The following HDLBP variants were observed in gnomAD, a reference collection of about 807,000 sequenced individuals.
HDLBP encodes vigilin.
HDLBP carries 30 observed loss-of-function variants against 137.3 expected under a neutral mutation model. The observed-to-expected ratio is 0.22, with a 90% confidence interval of 0.16 to 0.30. The LOEUF (loss-of-function observed/expected upper bound fraction) is 0.30, where lower values mean the gene tolerates loss of function less well. Ranked by LOEUF, HDLBP falls within the 10% of genes least tolerant of loss-of-function variation. The pLI is 1.00. For missense variants in HDLBP, 1,119 were observed against 1,667.3 expected (o/e 0.67, Z 5.73); for synonymous variants, 606 against 596.0 (o/e 1.02, Z -0.24).
In HDLBP at chr2:241,239,680, G is replaced by T. The variant is rs147457010; in HGVS notation, c.2532C>A (p.Ser844Arg). ...TGGCGCCCTTGAGGGTGACTTTGTC[G>T]CTCTGTGTGCCAGAGCGTGGGAAGC... Reference protein sequence around the residue: ...MVSFPRSGTQSDKVTLKGAKD... With the variant: ...MVSFPRSGTQRDKVTLKGAKD... Residue 844 changes from serine (S) to arginine (R), a missense_variant, in exon 19 of 28, where the codon AGC becomes AGA. This residue lies in a region of HDLBP where 618 missense variants were observed against 816.7 expected (regional missense o/e 0.76). Coordinates refer to ENST00000310931, the MANE Select transcript of HDLBP (RefSeq NM_005336.6). The surrounding 1 kb of genome is among the most constrained non-coding windows in gnomAD (Gnocchi z 4.6). The T allele has an allele frequency of 5.0e-6, 8 of 1,614,142 alleles. No individual in the cohort carries two copies. In the South Asian group the frequency reaches 8.8e-5, roughly 18 times the overall value.
Position 241,271,036 on chromosome 2 carries a change from C to T in HDLBP, c.-102-2495G>A, listed in dbSNP as rs1173296726. 5.1e-6 allele frequency: 5 copies of T among 985,206 alleles called. No homozygotes were observed. The African/African-American group carries it at 5.2e-5, about 10-fold the overall frequency. The allele number at this position is 985,206 out of a possible 1,614,324, so 61.0% of individuals were successfully genotyped here. A position where few individuals can be genotyped will look rare whatever the true frequency, so the allele number is the denominator to read the frequency against. Reference sequence around the variant, plus strand: ...GGGTCCACCCCTGCATGGCTGTAAACGCTCCACCTCAAGTTATGACAAAAT... The same window carrying T: ...GGGTCCACCCCTGCATGGCTGTAAATGCTCCACCTCAAGTTATGACAAAAT... On this transcript the variant is annotated intron_variant, in intron 1 of 27. Coordinates refer to ENST00000310931, the MANE Select transcript of HDLBP (RefSeq NM_005336.6).
intron 4 of HDLBP, among the ~76,000 whole-genome samples, chr2:241,263,718 TC>T (rs1297963630): frequency 2.6e-5 from 4 of 152,042 alleles, no homozygotes; most frequent in African/African-American, 9.7e-5. Context: ...CACTAACATC[TC>T]AAATTCAGGT....
intron 1 of HDLBP, among the ~76,000 whole-genome samples, chr2:241,313,055 C>G (rs2075800118): frequency 6.6e-6 from 1 of 152,202 alleles, no homozygotes; most frequent in South Asian, 2.1e-4. Flanking sequence ...CCTGTCCACT[C>G]AGCACCACCT....
intron 1 of HDLBP, among the ~76,000 whole-genome samples, chr2:241,296,283 C>T (rs2075179760): frequency 6.6e-6 from 1 of 152,074 alleles, no homozygotes; most frequent in Non-Finnish European, 1.5e-5. Flanking sequence ...AGGAATTGGG[C>T]CAATTTGTTA....
rs1412737570 is a variant in HDLBP at position 241,239,560 on chromosome 2, A to G, written c.2610+42T>C. On this transcript the variant is annotated intron_variant, in intron 19 of 27. Transcript: ENST00000310931. This position sits in a 1 kb window ranked among gnomAD's most constrained non-coding sequence, Gnocchi z 4.6. Reference sequence around the variant, plus strand: ...TCATACACGGCTTCGGTGAGTGGCCACTGGGGGGTGAGAACCCCTCCCCGA... The same window carrying G: ...TCATACACGGCTTCGGTGAGTGGCCGCTGGGGGGTGAGAACCCCTCCCCGA... The G allele has an allele frequency of 1.3e-6, 2 of 1,528,818 alleles. No homozygotes were observed. Among genetic ancestry groups the G allele is most frequent in the Non-Finnish European group, 1.8e-6 (2 of 1,103,914 alleles). 94.7% of individuals were successfully genotyped at this position (1,528,818 alleles called of 1,614,324 possible).
Position 241,256,187 on chromosome 2 carries a change from C to T in HDLBP, c.870G>A (p.Glu290=), listed in dbSNP as rs760725586. ...TTGCCTCCTCTAAATCGTGTACCTT[C>T]TCCTCATAAATCTTCTTGATGCGAG... The part of the protein sequence containing the change: ...AVARIKKIYE[E]KKKKTTTIAV... The change falls in exon 7 of 28, where the codon GAG becomes GAA. Residue 290 remains glutamate (E), a synonymous_variant. Coordinates refer to ENST00000310931, the MANE Select transcript of HDLBP (RefSeq NM_005336.6). 6.2e-7 allele frequency: 1 copy of T among 1,613,686 alleles called. No individual in the cohort carries two copies. The highest frequency in any genetic ancestry group is 1.1e-5 in the South Asian group (1 of 91,078).
Position 241,308,446 on chromosome 2 carries a change from T to C in HDLBP, c.-103+7124A>G, listed in dbSNP as rs188088666. 1.7e-3 allele frequency among the ~76,000 whole-genome samples: 260 copies of C among 152,316 alleles called. 6 individuals carry two copies. The highest frequency in any genetic ancestry group is 0.016 in the Admixed American group (241 of 15,302). On this transcript the variant is annotated intron_variant, in intron 1 of 27. Coordinates refer to ENST00000310931, the MANE Select transcript of HDLBP (RefSeq NM_005336.6). ...TGAGAAAATACTATTAAAAAGGACATCTTTTGCCTCAATTAGTCACACAGT... is the reference window on the plus strand; with the variant it reads ...TGAGAAAATACTATTAAAAAGGACACCTTTTGCCTCAATTAGTCACACAGT...
At chr2:241,234,858 T>A (rs543243497) in intron 23 of HDLBP, among the ~76,000 whole-genome samples, 61 of 152,246 alleles carry the variant, frequency 4.0e-4, no homozygotes, top group Non-Finnish European at 6.5e-4. Flanking sequence ...GGTACCACTC[T>A]GATTTGGTTT....
At chr2:241,247,232 G>A (rs2071752258) in intron 14 of HDLBP, 90 bp from the exon 15 acceptor site, 5 of 792,660 alleles carry the variant, frequency 6.3e-6, no homozygotes, top group East Asian at 5.2e-5. Flanking sequence ...GCATGAACAC[G>A]ACAGAGCACT....
intron 1 of HDLBP, among the ~76,000 whole-genome samples, chr2:241,311,974 A>G (rs946721351): frequency 7.2e-5 from 11 of 152,226 alleles, no homozygotes; most frequent in Non-Finnish European, 1.5e-4. Flanking sequence ...ACAGACGTCA[A>G]GCAAATATGC....
At chr2:241,294,617 G>A (rs1553657704) in intron 1 of HDLBP, among the ~76,000 whole-genome samples, 1 of 152,042 alleles carries the variant, frequency 6.6e-6, no homozygotes, top group Non-Finnish European at 1.5e-5. Context: ...CGTACACCAT[G>A]CCCAACTAAT....
chr2:241,239,821 C>G lies in HDLBP; in HGVS notation c.2392-1G>C. The G allele has an allele frequency of 1.2e-6, 2 of 1,613,566 alleles. No homozygotes were observed. The highest frequency in any genetic ancestry group is 1.7e-6 in the Non-Finnish European group (2 of 1,179,730). ...GCATGGAGTCTTCCACCACATTATC[C>G]TGCAGTGTTAAGAAGAGATGGAAGA... is the stretch of plus-strand genomic sequence containing the variant. On this transcript the variant is annotated splice_acceptor_variant, in intron 18 of 27. Transcript: ENST00000310931. LOFTEE classifies it high-confidence loss of function. The surrounding 1 kb of genome is among the most constrained non-coding windows in gnomAD (Gnocchi z 4.6).
chr2:241,230,323 A>G lies in HDLBP; in HGVS notation c.3475-54T>C. 1 of 1,065,618 alleles carries G rather than the reference A, an allele frequency of 9.4e-7. No homozygotes were observed. Among genetic ancestry groups the G allele is most frequent in the South Asian group, 1.5e-5 (1 of 66,628 alleles). The allele number at this position is 1,065,618 out of a possible 1,614,324, so 66.0% of individuals were successfully genotyped here. ...GGGACTCCAAGCGAGGAAAAGGGTT[A>G]AAATTATGTGTCAATTTCTAGTGAA... is the stretch of plus-strand genomic sequence containing the variant. On this transcript the variant is annotated intron_variant, in intron 25 of 27. Transcript: ENST00000310931. This position sits in a 1 kb window ranked among gnomAD's most constrained non-coding sequence, Gnocchi z 5.0.
At chr2:241,266,719 A>ATGGGATT in intron 3 of HDLBP, 75 bp downstream of exon 3, 1 of 982,862 alleles carries the variant, frequency 1.0e-6, no homozygotes, top group South Asian at 1.3e-5. Context: ...TAGAAAGGGC[A>ATGGGATT]TGGGATTTGG....
chr2:241,248,948 T>G (rs1317004004), intron 12 of HDLBP, among the ~76,000 whole-genome samples: 2 of 152,132 alleles, frequency 1.3e-5, no homozygotes, highest in Non-Finnish European at 2.9e-5. Context: ...CCAAGAATTC[T>G]GAGAGATTCT....
chr2:241,295,863 A>C (rs1255725670), intron 1 of HDLBP, among the ~76,000 whole-genome samples: 2 of 152,186 alleles, frequency 1.3e-5, no homozygotes, highest in African/African-American at 4.8e-5. Flanking sequence ...GAAGACGAAG[A>C]AGCAAAGAAC....
At chr2:241,263,215 AG>A (rs757800446) in intron 4 of HDLBP, among the ~76,000 whole-genome samples, 1 of 152,220 alleles carries the variant, frequency 6.6e-6, no homozygotes, top group Non-Finnish European at 1.5e-5. Flanking sequence ...AGAAAGTGGG[AG>A]GTGGACCCTG....
At chr2:241,289,002 G>T (rs1428965149) in intron 1 of HDLBP, among the ~76,000 whole-genome samples, 1 of 152,168 alleles carries the variant, frequency 6.6e-6, no homozygotes, top group Non-Finnish European at 1.5e-5. Context: ...CTATGAGCTA[G>T]AATTAGCTTA....
At position 241,239,695 on chromosome 2, in the gene HDLBP, G is replaced by A. The variant is rs1286648569; in HGVS notation, c.2517C>T (p.Arg839=). The change falls in exon 19 of 28, where the codon CGC becomes CGT. Residue 839 remains arginine (R), a synonymous_variant. Transcript: ENST00000310931. This position sits in a 1 kb window ranked among gnomAD's most constrained non-coding sequence, Gnocchi z 4.6. ...TGACTTTGTCGCTCTGTGTGCCAGAGCGTGGGAAGCTGACCATCACCCCGC... is the reference window on the plus strand; with the variant it reads ...TGACTTTGTCGCTCTGTGTGCCAGAACGTGGGAAGCTGACCATCACCCCGC... ...EYGGVMVSFP[R]SGTQSDKVTL... The A allele has an allele frequency of 1.2e-6, 2 of 1,614,200 alleles. No homozygotes were observed. Among genetic ancestry groups the A allele is most frequent in the Non-Finnish European group, 1.7e-6 (2 of 1,180,030 alleles).
Sources: allele counts gnomAD v4.1 joint callset (sites outside exome capture counted in the v4.1 genomes callset), GRCh38; gene constraint gnomAD v4.1.1; regional missense constraint gnomAD v4.1.1; non-coding constraint Gnocchi (gnomAD v3.1); transcripts MANE v1.5; gene names NCBI Gene and HGNC (gene_info 2026-07-23, HGNC 2026-07-21).